The following BRSK2 variants were observed in gnomAD, a reference collection of about 807,000 sequenced individuals.
BRSK2 encodes the protein serine/threonine-protein kinase BRSK2.
BRSK2 carries 19 observed loss-of-function variants against 83.3 expected under a neutral mutation model. That is an observed-to-expected ratio of 0.23 (90% CI 0.16 to 0.33). The LOEUF is 0.33. Ranked by LOEUF, BRSK2 falls within the 10% of genes least tolerant of loss-of-function variation. The pLI is 1.00. For missense variants in BRSK2, 798 were observed against 1,042.3 expected, an observed-to-expected ratio of 0.77 and a Z score of 3.23; for synonymous variants, 519 against 435.4, an observed-to-expected ratio of 1.19 and a Z score of -2.39.
At chr11:1,422,824 G>A (rs771273961) in intron 1 of BRSK2, among the ~76,000 whole-genome samples, 3 of 152,156 alleles carry the variant, frequency 2.0e-5, no homozygotes, top group Non-Finnish European at 2.9e-5. Context: ...AGCCAGGACC[G>A]AGGGGGTGAC....
intron 6 of BRSK2, 30 bp downstream of exon 6, chr11:1,443,169 TG>T: frequency 6.5e-7 from 1 of 1,536,914 alleles, no homozygotes. Context: ...TGCAGCTCTG[TG>T]GGGCCCAGGG....
intron 1 of BRSK2, among the ~76,000 whole-genome samples, chr11:1,424,915 G>C (rs780714367): frequency 6.6e-6 from 1 of 152,214 alleles, no homozygotes; most frequent in Non-Finnish European, 1.5e-5. Flanking sequence ...GGCCCAGAGT[G>C]CTGGCGGGAG....
chr11:1,424,631 T>C (rs1848990798), intron 1 of BRSK2, among the ~76,000 whole-genome samples: 1 of 152,146 alleles, frequency 6.6e-6, no homozygotes, highest in Non-Finnish European at 1.5e-5. Context: ...TGCCCTGCCC[T>C]CCATCTGCAT....
At chr11:1,392,565 G>A (rs1413213817) in intron 1 of BRSK2, among the ~76,000 whole-genome samples, 1 of 152,204 alleles carries the variant, frequency 6.6e-6, no homozygotes, top group Non-Finnish European at 1.5e-5. Flanking sequence ...GCCTTGTGGT[G>A]CCACGAGAGC....
chr11:1,454,174 G>GT lies in BRSK2; in HGVS notation c.1545-311_1545-310insT. On this transcript the variant is annotated intron_variant, in intron 15 of 19. Coordinates refer to ENST00000528841, the MANE Select transcript of BRSK2 (RefSeq NM_001256627.2). This position sits in a 1 kb window ranked among gnomAD's most constrained non-coding sequence, Gnocchi z 5.2. Reference sequence around the variant, plus strand: ...CCTTGGTGAGGGGGGGCTCACCTGTGGGGGGCTCACCTGTGGAGGGGCATC... The same window carrying GT: ...CCTTGGTGAGGGGGGGCTCACCTGTGTGGGGGCTCACCTGTGGAGGGGCATC... 4.0e-6 allele frequency: 1 copy of GT among 250,346 alleles called. No homozygotes were observed. Among genetic ancestry groups the GT allele is most frequent in the South Asian group, 5.4e-5 (1 of 18,506 alleles). 15.5% of individuals were successfully genotyped at this position (250,346 alleles called of 1,614,324 possible).
intron 10 of BRSK2, 41 bp from the exon 11 acceptor site, chr11:1,445,530 C>T (rs886859936): frequency 1.2e-6 from 2 of 1,600,530 alleles, no homozygotes; most frequent in Non-Finnish European, 1.7e-6. Context: ...GAGCCGGCGG[C>T]CCCGTGTGCC....
At chr11:1,417,304 G>A (rs1270723147) in intron 1 of BRSK2, among the ~76,000 whole-genome samples, 1 of 152,206 alleles carries the variant, frequency 6.6e-6, no homozygotes, top group Non-Finnish European at 1.5e-5. Context: ...TTTTGCTTTG[G>A]TGCTTGTCAG....
At chr11:1,443,451 G>GC (rs751191948) in intron 7 of BRSK2, 38 bp from the exon 8 acceptor site, 115 of 1,569,570 alleles carry the variant, frequency 7.3e-5, no homozygotes, top group South Asian at 6.5e-4. Flanking sequence ...CCCCAAACCT[G>GC]CCCCCCCACG....
At chr11:1,440,396 A>C (rs1356965640) in intron 3 of BRSK2, among the ~76,000 whole-genome samples, 1 of 152,026 alleles carries the variant, frequency 6.6e-6, no homozygotes, top group Admixed American at 6.5e-5. Flanking sequence ...TGAGGACCAC[A>C]GGGTGTGAGG....
At chr11:1,451,550 C>A in intron 15 of BRSK2, 131 bp downstream of exon 15, 3 of 923,324 alleles carry the variant, frequency 3.2e-6, no homozygotes, top group South Asian at 1.4e-5. Flanking sequence ...TGCAGGCAGG[C>A]CCGTCTCGGC....
chr11:1,449,915 G>A, intron 13 of BRSK2, 79 bp downstream of exon 13: 2 of 1,132,962 alleles, frequency 1.8e-6, no homozygotes, highest in Non-Finnish European at 2.6e-6. Flanking sequence ...CAGGGTGGGG[G>A]CAGCCTCGCG....
At chr11:1,410,405 G>T (rs1268395260) in intron 1 of BRSK2, 2 of 981,928 alleles carry the variant, frequency 2.0e-6, no homozygotes, top group African/African-American at 3.5e-5. Context: ...GGTTTGTGAC[G>T]TCGGCCTCGC....
chr11:1,433,870 G>A lies in BRSK2; in HGVS notation c.92-2170G>A, dbSNP rs966804498. On this transcript the variant is annotated intron_variant, in intron 1 of 19. Transcript: ENST00000528841. ...CTGTGCCCAGCCTGTGTCACTGCCC[G>A]GCCTGCAGCTCCCCCTGCCTCTGGG... is the stretch of plus-strand genomic sequence containing the variant. Among the ~76,000 whole-genome samples, 5 of 152,272 alleles carry A rather than the reference G, an allele frequency of 3.3e-5. 1 individual carries two copies. The highest frequency in any genetic ancestry group is 2.1e-4 in the South Asian group (1 of 4,828).
chr11:1,455,377 G>A (rs981883468), intron 16 of BRSK2, among the ~76,000 whole-genome samples: 16 of 135,706 alleles, frequency 1.2e-4, no homozygotes, highest in Non-Finnish European at 1.8e-4. Context: ...GCTCACCACT[G>A]CCCGGGCGCC....
In BRSK2 at chr11:1,462,441, G is replaced by A. The variant is rs2064054965; in HGVS notation, c.*1718G>A. ...ACATTAGACCTCTGCCACAGGCTGGGATTTCTATACATAAGAACAAAAGCA... is the reference window on the plus strand; with the variant it reads ...ACATTAGACCTCTGCCACAGGCTGGAATTTCTATACATAAGAACAAAAGCA... On this transcript the variant is annotated 3_prime_UTR_variant, in exon 20 of 20. Transcript: ENST00000528841. 1 of 151,972 alleles carries A rather than the reference G, an allele frequency of 6.6e-6. No individual in the cohort carries two copies. The highest frequency in any genetic ancestry group is 6.5e-5 in the Admixed American group (1 of 15,280). The allele number at this position is 151,972 out of a possible 1,614,324, so 9.4% of individuals were successfully genotyped here. A position where few individuals can be genotyped will look rare whatever the true frequency, so the allele number is the denominator to read the frequency against.
At chr11:1,421,462 A>C (rs1445796476) in intron 1 of BRSK2, among the ~76,000 whole-genome samples, 1 of 152,138 alleles carries the variant, frequency 6.6e-6, no homozygotes, top group African/African-American at 2.4e-5. Context: ...CTGGGTTAGG[A>C]GGCGGGAGCC....
chr11:1,448,020 C>T (rs1852391366), intron 12 of BRSK2, among the ~76,000 whole-genome samples: 1 of 152,186 alleles, frequency 6.6e-6, no homozygotes, highest in Admixed American at 6.5e-5. Context: ...GGCCCGCGGG[C>T]CAGGCAGAGG....
chr11:1,401,160 C>T (rs1007092947), intron 1 of BRSK2, among the ~76,000 whole-genome samples: 8 of 152,224 alleles, frequency 5.3e-5, no homozygotes, highest in Non-Finnish European at 1.2e-4. Flanking sequence ...GCCCTGCCCA[C>T]TCCGCAGGCC....
At chr11:1,415,404 CT>C (rs1484267360) in intron 1 of BRSK2, among the ~76,000 whole-genome samples, 1 of 151,886 alleles carries the variant, frequency 6.6e-6, no homozygotes, top group East Asian at 1.9e-4. Context: ...CTGTCTTTAC[CT>C]TTTTAAAAAA....
Sources: gnomAD v4.1 joint callset for allele counts (sites outside exome capture counted in the v4.1 genomes callset) on GRCh38, gnomAD v4.1.1 for gene constraint, Gnocchi (gnomAD v3.1) non-coding constraint, MANE v1.5 for transcripts, NCBI Gene and HGNC (gene_info 2026-07-23, HGNC 2026-07-21) for gene names.